Variants in SPAG16 observed in about 807,000 individuals in gnomAD.
SPAG16 encodes the protein sperm associated antigen 16.
Under a neutral mutation model 80.4 loss-of-function variants are expected in SPAG16, and 86 were observed. The observed-to-expected ratio is 1.07, with a 90% CI of 0.90 to 1.28. The LOEUF is 1.28. SPAG16 is among the 50% of genes most tolerant of loss of function. The pLI is 0.00. For synonymous variants in SPAG16, 294 were observed against 265.9 expected (o/e 1.11, Z -1.03); for missense variants, 870 against 765.3 (o/e 1.14, Z -1.61).
chr2:213,676,964 G>A (rs1210495295), intron 10 of SPAG16, among the ~76,000 whole-genome samples: 27 of 151,544 alleles, frequency 1.8e-4, no homozygotes, highest in Non-Finnish European at 3.5e-4. Flanking sequence ...AATGGTACCA[G>A]TTCCTCCTTG....
In SPAG16 at chr2:214,317,761, A is replaced by C. The variant is rs112619922; in HGVS notation, c.1721-92379A>C. Among the ~76,000 whole-genome samples the C allele has an allele frequency of 6.0e-4, 91 of 152,300 alleles. 1 individual carries two copies. In the Middle Eastern group the frequency reaches 0.01, roughly 17 times the overall value. On this transcript the variant is annotated intron_variant, in intron 15 of 15. Coordinates refer to ENST00000331683, the MANE Select transcript of SPAG16 (RefSeq NM_024532.5). ...CCATGGGCAGGGGAAAAAGTGGCTA[A>C]TGCCTGCCTGTGGCCCTTTTCTCAG... is the stretch of plus-strand genomic sequence containing the variant.
At chr2:213,989,605 C>G (rs568085234) in intron 12 of SPAG16, among the ~76,000 whole-genome samples, 2 of 152,052 alleles carry the variant, frequency 1.3e-5, no homozygotes, top group Non-Finnish European at 2.9e-5. Context: ...ATATCTGAAC[C>G]ACTATATTTA....
intron 10 of SPAG16, among the ~76,000 whole-genome samples, chr2:213,650,650 G>A (rs1559344287): frequency 6.6e-6 from 1 of 152,164 alleles, no homozygotes; most frequent in Non-Finnish European, 1.5e-5. Context: ...TCAGTCATGT[G>A]GTTGCAGCAG....
intron 5 of SPAG16, chr2:213,317,777 T>A: frequency 1.0e-6 from 1 of 969,700 alleles, no homozygotes; most frequent in African/African-American, 1.8e-5. Flanking sequence ...AGGAATAATA[T>A]AAACTGTGGA....
At chr2:214,260,261 A>C (rs576360428) in intron 15 of SPAG16, among the ~76,000 whole-genome samples, 44 of 152,294 alleles carry the variant, frequency 2.9e-4, no homozygotes, top group African/African-American at 9.6e-4. Context: ...GGAAATCATC[A>C]CTAAATAACT....
chr2:214,139,599 A>AT (rs1303557786), intron 14 of SPAG16, among the ~76,000 whole-genome samples: 1 of 152,106 alleles, frequency 6.6e-6, no homozygotes, highest in Non-Finnish European at 1.5e-5. Flanking sequence ...GAAATTACAA[A>AT]TTTTTATTAA....
chr2:213,418,887 T>C (rs775027672), intron 9 of SPAG16, among the ~76,000 whole-genome samples: 24 of 152,298 alleles, frequency 1.6e-4, no homozygotes, highest in Middle Eastern at 6.8e-3. Context: ...CTGGGAGCAT[T>C]GCTTAGGGGC....
At chr2:213,527,108 T>C (rs532738065) in intron 10 of SPAG16, among the ~76,000 whole-genome samples, 1 of 152,338 alleles carries the variant, frequency 6.6e-6, no homozygotes, top group Admixed American at 6.5e-5. Flanking sequence ...TCAATGTCTT[T>C]AGACAGTGAA....
intron 12 of SPAG16, among the ~76,000 whole-genome samples, chr2:213,937,475 C>CTCCTGT (rs769437205): frequency 2.6e-5 from 4 of 151,930 alleles, no homozygotes; most frequent in Non-Finnish European, 5.9e-5. Flanking sequence ...TGATCAATTT[C>CTCCTGT]TCCTGTTACA....
intron 10 of SPAG16, among the ~76,000 whole-genome samples, chr2:213,836,948 T>TCTC (rs2074121321): frequency 6.6e-6 from 1 of 150,654 alleles, no homozygotes; most frequent in African/African-American, 2.4e-5. Flanking sequence ...CAACAGTGCC[T>TCTC]TCTCTCTCTC....
intron 9 of SPAG16, among the ~76,000 whole-genome samples, chr2:213,382,379 T>C (rs933635457): frequency 5.9e-5 from 9 of 152,178 alleles, no homozygotes; most frequent in Non-Finnish European, 1.0e-4. Context: ...TAACCCTTAA[T>C]AGAGAATATG....
chr2:214,246,870 T>C (rs1689885857), intron 15 of SPAG16, among the ~76,000 whole-genome samples: 1 of 152,176 alleles, frequency 6.6e-6, no homozygotes, highest in Non-Finnish European at 1.5e-5. Flanking sequence ...TCTTTATTCT[T>C]TGAAAAAAAT....
At chr2:213,672,795 A>G (rs2063864591) in intron 10 of SPAG16, among the ~76,000 whole-genome samples, 1 of 151,318 alleles carries the variant, frequency 6.6e-6, no homozygotes, top group South Asian at 2.1e-4. Flanking sequence ...CCTAGGAATT[A>G]GTTCTAAATA....
At chr2:213,776,043 G>A (rs1280409530) in intron 10 of SPAG16, among the ~76,000 whole-genome samples, 1 of 152,176 alleles carries the variant, frequency 6.6e-6, no homozygotes, top group African/African-American at 2.4e-5. Flanking sequence ...ATTATTTTGT[G>A]TGTAGTTACA....
At chr2:213,823,844 T>A (rs2073106497) in intron 10 of SPAG16, among the ~76,000 whole-genome samples, 1 of 152,188 alleles carries the variant, frequency 6.6e-6, no homozygotes, top group Non-Finnish European at 1.5e-5. Flanking sequence ...TTGCAAAAAT[T>A]TTCTCCCATT....
chr2:213,675,993 T>G (rs1355831068), intron 10 of SPAG16, among the ~76,000 whole-genome samples: 2 of 152,194 alleles, frequency 1.3e-5, no homozygotes, highest in African/African-American at 4.8e-5. Flanking sequence ...GCCAATTTCA[T>G]GATATTGATT....
At chr2:213,423,362 T>C (rs1369361704) in intron 9 of SPAG16, among the ~76,000 whole-genome samples, 4 of 152,210 alleles carry the variant, frequency 2.6e-5, no homozygotes, top group African/African-American at 9.7e-5. Flanking sequence ...AATTAAGAAA[T>C]ATTTTTAAAT....
chr2:214,126,004 TTCCTTCCTTCCTTCCTTCCTTCCTTCC>T (rs2054461018), intron 14 of SPAG16, among the ~76,000 whole-genome samples: 1 of 8,108 alleles, frequency 1.2e-4, no homozygotes, highest in Non-Finnish European at 2.4e-4. Context: ...CCTTCTTTCC[TTCCTTCCTTCCTTCCTTCCTTCCTTCC>T]TTCCTTCCTT....
intron 9 of SPAG16, among the ~76,000 whole-genome samples, chr2:213,471,761 G>A (rs1428755645): frequency 6.6e-6 from 1 of 152,098 alleles, no homozygotes; most frequent in Non-Finnish European, 1.5e-5. Flanking sequence ...CAGCCTTTTG[G>A]GTAACTCGAT....
Sources: allele counts gnomAD v4.1 joint callset (sites outside exome capture counted in the v4.1 genomes callset), GRCh38; gene constraint gnomAD v4.1.1; transcripts MANE v1.5; gene names NCBI Gene and HGNC (gene_info 2026-07-23, HGNC 2026-07-21).